The following SLC39A11 variants were observed in gnomAD, a reference collection of about 807,000 sequenced individuals.
SLC39A11 encodes the protein solute carrier family 39 member 11.
A neutral mutation model predicts 36.1 loss-of-function variants in SLC39A11; 33 were observed. The observed-to-expected ratio is 0.91, with a 90% CI of 0.69 to 1.22. SLC39A11 has a LOEUF of 1.22. Among genes scored for constraint, SLC39A11 ranks in the 50% most tolerant of loss-of-function variants. The probability of loss-of-function intolerance (pLI) is 0.00; values close to 1 mark genes in which losing one functional copy is unlikely to be tolerated. For missense variants in SLC39A11, 432 were observed against 430.3 expected (o/e 1.00, Z -0.03); for synonymous variants, 166 against 170.3 (o/e 0.97, Z 0.20).
At chr17:72,951,063 A>C (rs1391622636) in intron 4 of SLC39A11, among the ~76,000 whole-genome samples, 1 of 151,358 alleles carries the variant, frequency 6.6e-6, no homozygotes, top group Non-Finnish European at 1.5e-5. Flanking sequence ...GGAGTTCGAG[A>C]CCAGCCTAGG....
intron 7 of SLC39A11, among the ~76,000 whole-genome samples, chr17:72,724,134 T>C (rs918012672): frequency 1.3e-5 from 2 of 151,922 alleles, no homozygotes; most frequent in African/African-American, 4.8e-5. Context: ...GTTGCTCTTA[T>C]TGGGAGCTTG....
intron 4 of SLC39A11, among the ~76,000 whole-genome samples, chr17:73,004,474 C>G (rs2090074754): frequency 1.3e-5 from 2 of 152,134 alleles, no homozygotes; most frequent in African/African-American, 4.8e-5. Context: ...CATATGAGGG[C>G]CCCATCCTCA....
intron 5 of SLC39A11, among the ~76,000 whole-genome samples, chr17:72,944,698 C>T (rs993167356): frequency 5.3e-5 from 8 of 152,176 alleles, no homozygotes; most frequent in African/African-American, 1.4e-4. Flanking sequence ...TACTAAAATG[C>T]TCTGTGCCAC....
At chr17:73,084,946 A>C in intron 2 of SLC39A11, 100 bp from the exon 3 acceptor site, 1 of 1,214,314 alleles carries the variant, frequency 8.2e-7, no homozygotes, top group Non-Finnish European at 1.2e-6. Context: ...CACGCAAATA[A>C]AGACTGGCCG....
At chr17:72,829,439 T>A (rs2145685228) in intron 6 of SLC39A11, among the ~76,000 whole-genome samples, 1 of 151,520 alleles carries the variant, frequency 6.6e-6, no homozygotes, top group Admixed American at 6.6e-5. Context: ...CGGTGATCAG[T>A]GGGATTTGGT....
chr17:73,076,381 T>A (rs1177813571), intron 3 of SLC39A11, among the ~76,000 whole-genome samples: 1 of 152,242 alleles, frequency 6.6e-6, no homozygotes, highest in Middle Eastern at 3.2e-3. Flanking sequence ...ACACATGTCC[T>A]CTGTCCCTGG....
chr17:72,890,526 C>A (rs1177803403), intron 5 of SLC39A11, among the ~76,000 whole-genome samples: 1 of 152,118 alleles, frequency 6.6e-6, no homozygotes, highest in Non-Finnish European at 1.5e-5. Flanking sequence ...TGGTTCCATT[C>A]AACTCTTCTG....
At chr17:72,722,533 G>A (rs2073732363) in intron 7 of SLC39A11, among the ~76,000 whole-genome samples, 2 of 149,924 alleles carry the variant, frequency 1.3e-5, no homozygotes, top group Non-Finnish European at 2.9e-5. Flanking sequence ...GAAAAAGTAA[G>A]GTCTTTGGAA....
intron 4 of SLC39A11, among the ~76,000 whole-genome samples, chr17:73,020,921 T>C (rs1426352493): frequency 6.6e-6 from 1 of 152,104 alleles, no homozygotes; most frequent in African/African-American, 2.4e-5. Context: ...GACCTTGTGA[T>C]CTACCTGCCT....
chr17:73,078,240 GAA>G (rs373935167), intron 3 of SLC39A11, among the ~76,000 whole-genome samples: 18 of 114,724 alleles, frequency 1.6e-4, no homozygotes, highest in East Asian at 2.4e-4. Context: ...TCCGTCTCAG[GAA>G]AAAAAAAAAA....
chr17:73,073,951 C>T (rs2060240082), intron 3 of SLC39A11: 1 of 151,800 alleles, frequency 6.6e-6, no homozygotes, highest in Admixed American at 6.6e-5. Flanking sequence ...GTGGCCCAGC[C>T]CATCTCAGTG....
At chr17:72,920,159 G>C (rs1157696013) in intron 5 of SLC39A11, among the ~76,000 whole-genome samples, 2 of 151,992 alleles carry the variant, frequency 1.3e-5, no homozygotes, top group Non-Finnish European at 2.9e-5. Context: ...GACATAAGTG[G>C]AAATTCAACA....
intron 5 of SLC39A11, among the ~76,000 whole-genome samples, chr17:72,940,638 T>C (rs910860734): frequency 6.6e-6 from 1 of 152,198 alleles, no homozygotes; most frequent in African/African-American, 2.4e-5. Context: ...TCTTTTTTCA[T>C]CCTGCATAGT....
intron 6 of SLC39A11, among the ~76,000 whole-genome samples, chr17:72,738,356 G>C (rs981332037): frequency 2.0e-5 from 3 of 152,118 alleles, no homozygotes; most frequent in Non-Finnish European, 4.4e-5. Context: ...GCTTTCAAAG[G>C]AACCACCCTC....
intron 7 of SLC39A11, among the ~76,000 whole-genome samples, chr17:72,710,054 G>C (rs1292469157): frequency 2.0e-5 from 3 of 152,300 alleles, no homozygotes; most frequent in Non-Finnish European, 2.9e-5. Flanking sequence ...TGGGTCATCT[G>C]TTCTGCCAAC....
At chr17:72,698,982 C>T (rs1327433594) in intron 7 of SLC39A11, among the ~76,000 whole-genome samples, 3 of 152,076 alleles carry the variant, frequency 2.0e-5, no homozygotes, top group Non-Finnish European at 4.4e-5. Context: ...AGGCGCCCGC[C>T]ACCACACCTA....
intron 4 of SLC39A11, among the ~76,000 whole-genome samples, chr17:72,979,175 C>G (rs1399087235): frequency 1.3e-5 from 2 of 152,180 alleles, no homozygotes; most frequent in African/African-American, 4.8e-5. Context: ...GCTCCTCCCC[C>G]TTCGCTTGCC....
intron 4 of SLC39A11, among the ~76,000 whole-genome samples, chr17:72,970,933 G>A: frequency 6.6e-6 from 1 of 152,224 alleles, no homozygotes. Flanking sequence ...CCCTTGCACG[G>A]CACCTCCGCT....
chr17:72,651,596 G>A (rs1213435890), intron 7 of SLC39A11, among the ~76,000 whole-genome samples: 2 of 152,198 alleles, frequency 1.3e-5, no homozygotes, highest in African/African-American at 4.8e-5. Flanking sequence ...CTAGGGTGGG[G>A]TTGGGGGAAG....
Sources: allele counts gnomAD v4.1 joint callset (sites outside exome capture counted in the v4.1 genomes callset), GRCh38; gene constraint gnomAD v4.1.1; transcripts MANE v1.5; gene names NCBI Gene and HGNC (gene_info 2026-07-23, HGNC 2026-07-21).